DAPK1: variants seen among roughly 807,000 people sequenced by gnomAD.
DAPK1 encodes death-associated protein kinase 1.
A neutral mutation model predicts 144.9 loss-of-function variants in DAPK1; 56 were observed. That is an observed-to-expected ratio of 0.39 (90% CI 0.31 to 0.48). The LOEUF is 0.48. DAPK1 is among the 20% of genes least tolerant of loss of function. DAPK1 has a pLI of 0.95. For missense variants in DAPK1, 1,454 were observed against 1,875.4 expected, an observed-to-expected ratio of 0.78 and a Z score of 4.15; for synonymous variants, 690 against 749.0, an observed-to-expected ratio of 0.92 and a Z score of 1.29.
chr9:87,695,950 G>A (rs1825244025), intron 21 of DAPK1, among the ~76,000 whole-genome samples: 2 of 152,080 alleles, frequency 1.3e-5, no homozygotes, highest in African/African-American at 4.8e-5. Context: ...GTTTGTCCCC[G>A]GCTCCTTCCT....
intron 2 of DAPK1, among the ~76,000 whole-genome samples, chr9:87,575,932 C>T (rs796095494): frequency 5.3e-5 from 8 of 152,322 alleles, no homozygotes; most frequent in African/African-American, 1.9e-4. Flanking sequence ...GAATTTATAC[C>T]TCATGGGGCC....
chr9:87,511,772 G>A (rs777145099), intron 2 of DAPK1, among the ~76,000 whole-genome samples: 3 of 151,244 alleles, frequency 2.0e-5, no homozygotes, highest in Non-Finnish European at 4.4e-5. Context: ...GTGCAGTGGC[G>A]CGATCTCGGC....
chr9:87,646,046 G>A, intron 12 of DAPK1, 32 bp downstream of exon 12: 4 of 1,603,758 alleles, frequency 2.5e-6, no homozygotes, highest in Non-Finnish European at 3.4e-6. Flanking sequence ...TACTGGAGGG[G>A]TGGGTCACAG....
At chr9:87,509,443 C>T (rs1036793459) in intron 2 of DAPK1, among the ~76,000 whole-genome samples, 4 of 152,102 alleles carry the variant, frequency 2.6e-5, no homozygotes, top group Non-Finnish European at 5.9e-5. Flanking sequence ...CTCACCACAA[C>T]CTCTGCCTCC....
intron 3 of DAPK1, among the ~76,000 whole-genome samples, chr9:87,635,528 C>T (rs114746604): frequency 0.013 from 1,962 of 152,146 alleles, 52 homozygotes; most frequent in African/African-American, 0.044. Flanking sequence ...TTAGGCTCAA[C>T]CAATGGACCA....
chr9:87,697,065 T>A lies in DAPK1; in HGVS notation c.2472T>A (p.Tyr824Ter). The A allele has an allele frequency of 1.3e-6, 2 of 1,592,722 alleles. No homozygotes were observed. Among genetic ancestry groups the A allele is most frequent in the Non-Finnish European group, 1.7e-6 (2 of 1,160,372 alleles). Residue 824 changes from tyrosine (Y) to a stop codon, truncating the protein, a stop_gained, in exon 22 of 26, where the codon TAT becomes TAA. Transcript: ENST00000408954. LOFTEE classifies it high-confidence loss of function. ...GAAATCCTGTGTATTTCTGCTGTTA[T>A]GACTATTTTGCTGCAAATGATCCCA... ...FSGNPVYFCC[Y>*]DYFAANDPTS...
chr9:87,555,068 G>C (rs1489189177), intron 2 of DAPK1, among the ~76,000 whole-genome samples: 1 of 152,234 alleles, frequency 6.6e-6, no homozygotes, highest in African/African-American at 2.4e-5. Context: ...GGAAAGCTGT[G>C]TGGGTGTGCA....
chr9:87,554,392 A>G (rs1237025660), intron 2 of DAPK1: 3 of 152,242 alleles, frequency 2.0e-5, no homozygotes, highest in African/African-American at 7.2e-5. Flanking sequence ...CTGAATAGCA[A>G]TAATTATGGG....
chr9:87,510,256 G>C (rs1228825266), intron 2 of DAPK1, among the ~76,000 whole-genome samples: 13 of 152,114 alleles, frequency 8.5e-5, no homozygotes. Flanking sequence ...AAGTCCCTTG[G>C]TTTTGTTCAG....
chr9:87,552,253 C>G (rs1443673636), intron 2 of DAPK1, among the ~76,000 whole-genome samples: 1 of 152,048 alleles, frequency 6.6e-6, no homozygotes, highest in Non-Finnish European at 1.5e-5. Context: ...CTTGGTCTGC[C>G]TAGATCATTA....
At chr9:87,694,457 A>G (rs1825186696) in intron 21 of DAPK1, among the ~76,000 whole-genome samples, 1 of 152,154 alleles carries the variant, frequency 6.6e-6, no homozygotes. Flanking sequence ...TGTGATCCCC[A>G]GCCTCTGGCA....
intron 3 of DAPK1, among the ~76,000 whole-genome samples, chr9:87,614,376 T>A (rs1829026367): frequency 6.6e-6 from 1 of 152,178 alleles, no homozygotes; most frequent in Admixed American, 6.5e-5. Context: ...ATATTTGGAA[T>A]CTCTGTTTAT....
At chr9:87,604,851 T>A in intron 2 of DAPK1, 103 bp from the exon 3 acceptor site, 1 of 1,010,014 alleles carries the variant, frequency 9.9e-7, no homozygotes, top group South Asian at 1.6e-5. Flanking sequence ...ATTGGAACTT[T>A]CCTATTCACA....
chr9:87,692,118 G>C (rs945253870), intron 21 of DAPK1, among the ~76,000 whole-genome samples: 1 of 152,046 alleles, frequency 6.6e-6, no homozygotes, highest in African/African-American at 2.4e-5. Flanking sequence ...AAGTCTATCT[G>C]TTCCTATAGA....
At chr9:87,510,297 GT>G (rs1824787881) in intron 2 of DAPK1, among the ~76,000 whole-genome samples, 2 of 152,198 alleles carry the variant, frequency 1.3e-5, no homozygotes, top group Admixed American at 6.5e-5. Flanking sequence ...AGTAGATCCT[GT>G]TTTAAGAATA....
chr9:87,555,506 A>T (rs369216228), intron 2 of DAPK1, among the ~76,000 whole-genome samples: 9 of 148,046 alleles, frequency 6.1e-5, no homozygotes, highest in South Asian at 2.1e-4. Flanking sequence ...TTATTTAGTT[A>T]TTTTTTTTTT....
chr9:87,547,578 A>T (rs11141872), intron 2 of DAPK1, among the ~76,000 whole-genome samples: 2,133 of 58,770 alleles, frequency 0.036, 24 homozygotes, highest in Non-Finnish European at 0.047. Flanking sequence ...AGAGAGAGAG[A>T]GTGTGTGTGT....
intron 2 of DAPK1, among the ~76,000 whole-genome samples, chr9:87,563,539 T>C (rs1431133355): frequency 6.6e-6 from 1 of 152,230 alleles, no homozygotes; most frequent in Non-Finnish European, 1.5e-5. Context: ...AGCAGAGTCT[T>C]GCAGAGAGAC....
chr9:87,668,905 T>G (rs1305759478), intron 19 of DAPK1: 1 of 499,802 alleles, frequency 2.0e-6, no homozygotes, highest in Non-Finnish European at 3.6e-6. Context: ...GCAGTTGCCG[T>G]GCCTGGTTTT....
Sources: allele counts gnomAD v4.1 joint callset (sites outside exome capture counted in the v4.1 genomes callset), GRCh38; gene constraint gnomAD v4.1.1; transcripts MANE v1.5; gene names NCBI Gene and HGNC (gene_info 2026-07-23, HGNC 2026-07-21).